Variants in HSPA13 observed in about 807,000 individuals in gnomAD.
HSPA13 encodes the protein heat shock 70 kDa protein 13.
Under a neutral mutation model 38.8 loss-of-function variants are expected in HSPA13, and 29 were observed. The ratio of observed to expected loss-of-function variants is 0.75; its 90% CI spans 0.56 to 1.02. HSPA13 has a LOEUF of 1.02. Among genes scored for constraint, HSPA13 ranks in the 50% least tolerant of loss-of-function variants. The pLI is 0.00. For missense variants in HSPA13, 451 were observed against 560.9 expected, an observed-to-expected ratio of 0.80 and a Z score of 1.98; for synonymous variants, 192 against 205.3, an observed-to-expected ratio of 0.94 and a Z score of 0.56.
At chr21:14,378,539 G>C in intron 2 of HSPA13, 127 bp from the exon 3 acceptor site, 1 of 629,508 alleles carries the variant, frequency 1.6e-6, no homozygotes, top group Non-Finnish European at 2.8e-6. Context: ...AAATGCATTT[G>C]AAATCTATCT....
chr21:14,376,355 G>C (rs1197430492), intron 3 of HSPA13, among the ~76,000 whole-genome samples: 1 of 152,164 alleles, frequency 6.6e-6, no homozygotes, highest in Non-Finnish European at 1.5e-5. Flanking sequence ...GGAGCTTGCA[G>C]TGAGCCGAGA....
At chr21:14,383,063 C>T (rs1984213782) in intron 1 of HSPA13, 32 bp downstream of exon 1, 2 of 1,613,720 alleles carry the variant, frequency 1.2e-6, no homozygotes, top group Non-Finnish European at 1.7e-6. Context: ...CCTCTACGCC[C>T]GCAAGAGCAA....
At chr21:14,379,674 A>G (rs562498589) in intron 2 of HSPA13, among the ~76,000 whole-genome samples, 3 of 152,344 alleles carry the variant, frequency 2.0e-5, no homozygotes, top group Non-Finnish European at 4.4e-5. Context: ...ATCCCAAAAA[A>G]GAAGTCAAAA....
chr21:14,378,456 A>G, intron 2 of HSPA13, 44 bp from the exon 3 acceptor site: 1 of 1,267,144 alleles, frequency 7.9e-7, no homozygotes, highest in Middle Eastern at 2.0e-4. Flanking sequence ...AAAAGAGTAA[A>G]AGCATACAGA....
chr21:14,378,380 A>T lies in HSPA13; in HGVS notation c.399T>A (p.Ser133=), dbSNP rs1397820577. The T allele has an allele frequency of 1.2e-6, 2 of 1,613,944 alleles. No homozygotes were observed. The highest frequency in any genetic ancestry group is 1.7e-6 in the Non-Finnish European group (2 of 1,179,920). The change falls in exon 3 of 5, where the codon TCT becomes TCA. Residue 133 remains serine, a synonymous_variant. Transcript: ENST00000285667. The part of the protein sequence containing the change: ...VLNKNGMVEF[S]VTSNETITVS... ...CTGTGATGGTCTCATTACTTGTCAC[A>T]GAAAACTCAACCATTCCATTTTTGT...
chr21:14,381,690 T>C, intron 1 of HSPA13, 147 bp from the exon 2 acceptor site: 1 of 555,388 alleles, frequency 1.8e-6, no homozygotes. Context: ...CTGATAGCAC[T>C]CCTCTCAGAC....
chr21:14,379,018 AATG>A (rs1342670633), intron 2 of HSPA13, among the ~76,000 whole-genome samples: 2 of 152,172 alleles, frequency 1.3e-5, no homozygotes, highest in Non-Finnish European at 2.9e-5. Context: ...AGAAAGAATA[AATG>A]ATGAAATGTA....
chr21:14,380,727 A>C (rs1267992689), intron 2 of HSPA13, among the ~76,000 whole-genome samples: 2 of 152,220 alleles, frequency 1.3e-5, no homozygotes, highest in African/African-American at 4.8e-5. Context: ...GAAAAACCAC[A>C]AAAAAGTACA....
Position 14,375,983 on chromosome 21 carries a change from T to C in HSPA13, c.581-164A>G, listed in dbSNP as rs187379277. ...AAGCATGAAATGGGAACAGTAAACA[T>C]AGGCTCTTCTAAATGCTATCTTTAA... On this transcript the variant is annotated intron_variant, in intron 3 of 4. Coordinates refer to ENST00000285667, the MANE Select transcript of HSPA13 (RefSeq NM_006948.5). 3.0e-3 allele frequency among the ~76,000 whole-genome samples: 461 copies of C among 152,318 alleles called. 3 individuals are homozygous for C. Among genetic ancestry groups the C allele is most frequent in the African/African-American group, 0.01 (425 of 41,586 alleles).
At position 14,373,844 on chromosome 21, in the gene HSPA13, T is replaced by C; in HGVS notation, c.1189A>G (p.Thr397Ala). 1 of 1,614,208 alleles carries C rather than the reference T, an allele frequency of 6.2e-7. No homozygotes were observed. The highest frequency in any genetic ancestry group is 1.1e-5 in the South Asian group (1 of 91,084). Reference protein sequence around the residue: ...QVLKEGHLEKTEIDEVVLVGG... With the variant: ...QVLKEGHLEKAEIDEVVLVGG... ...ACTAAAACCACCTCATCAATCTCAG[T>C]CTTTTCCAGGTGGCCTTCTTTCAAT... Residue 397 changes from threonine (T) to alanine (A), a missense_variant, in exon 5 of 5, where the codon ACT becomes GCT. Physicochemically the swap from Thr to Ala is moderately conservative, Grantham distance 58 (BLOSUM62 0). Coordinates refer to ENST00000285667, the MANE Select transcript of HSPA13 (RefSeq NM_006948.5).
At position 14,373,897 on chromosome 21, in the gene HSPA13, T is replaced by C; in HGVS notation, c.1136A>G (p.Gln379Arg). 2 of 1,614,246 alleles carry C rather than the reference T, an allele frequency of 1.2e-6. No homozygotes were observed. Among genetic ancestry groups the C allele is most frequent in the East Asian group, 2.2e-5 (1 of 44,890 alleles). Residue 379 changes from glutamine (Q) to arginine (R), a missense_variant, in exon 5 of 5, where the codon CAG becomes CGG. Physicochemically the swap from Gln to Arg is conservative, Grantham distance 43 (BLOSUM62 1). Coordinates refer to ENST00000285667, the MANE Select transcript of HSPA13 (RefSeq NM_006948.5). ...TTGCTGAATGGGTACCAGTATTTTC[T>C]GAAAGAGGTCTTCATTAAGGGTATC... ...LFDTLNEDLF[Q>R]KILVPIQQVL... is the part of the protein sequence containing the mutation.
At chr21:14,380,289 T>C (rs1415775334) in intron 2 of HSPA13, among the ~76,000 whole-genome samples, 2 of 129,008 alleles carry the variant, frequency 1.6e-5, no homozygotes, top group African/African-American at 5.8e-5. Flanking sequence ...AAAAAAAAGG[T>C]AAGGAAAAGA....
In HSPA13 at chr21:14,378,388, C is replaced by G; in HGVS notation, c.391G>C (p.Glu131Gln). ...GTCTCATTACTTGTCACAGAAAACT[C>G]AACCATTCCATTTTTGTTTAAAACC... The part of the protein sequence containing the change: ...FKVLNKNGMV[E>Q]FSVTSNETIT... The change falls in exon 3 of 5, where the codon GAG becomes CAG. Residue 131 changes from glutamate (E) to glutamine (Q), a missense_variant. Transcript: ENST00000285667. 1 of 1,613,762 alleles carries G rather than the reference C, an allele frequency of 6.2e-7. No homozygotes were observed. Among genetic ancestry groups the G allele is most frequent in the Non-Finnish European group, 8.5e-7 (1 of 1,179,714 alleles).
intron 1 of HSPA13, among the ~76,000 whole-genome samples, chr21:14,382,263 C>A (rs1279067262): frequency 6.6e-6 from 1 of 152,022 alleles, no homozygotes; most frequent in Non-Finnish European, 1.5e-5. Flanking sequence ...AGACAAGTTT[C>A]GTTCACTGTT....
At chr21:14,374,312 G>T in intron 4 of HSPA13, 28 bp from the exon 5 acceptor site, 1 of 1,541,954 alleles carries the variant, frequency 6.5e-7, no homozygotes, top group Non-Finnish European at 8.8e-7. Flanking sequence ...GTTTAATATA[G>T]TTATGCATAT....
chr21:14,379,537 A>C (rs1454964833), intron 2 of HSPA13, among the ~76,000 whole-genome samples: 1 of 152,210 alleles, frequency 6.6e-6, no homozygotes, highest in Non-Finnish European at 1.5e-5. Flanking sequence ...ACAACAACAA[A>C]AAAATCAGAT....
Position 14,373,540 on chromosome 21 carries a change from T to C in HSPA13, c.*77A>G. 2 of 1,277,812 alleles carry C rather than the reference T, an allele frequency of 1.6e-6. No individual in the cohort carries two copies. Among genetic ancestry groups the C allele is most frequent in the Non-Finnish European group, 2.1e-6 (2 of 933,630 alleles). The allele number at this position is 1,277,812 out of a possible 1,614,324, so 79.2% of individuals were successfully genotyped here. On this transcript the variant is annotated 3_prime_UTR_variant, in exon 5 of 5. Transcript: ENST00000285667. ...AATCTGTGATATTTTAGAGACTTTC[T>C]TTTGTGGAAAAGGTAATCTGATAAA... is the stretch of plus-strand genomic sequence containing the variant.
chr21:14,374,317 G>A (rs1243791013), intron 4 of HSPA13, 33 bp from the exon 5 acceptor site: 1 of 1,472,926 alleles, frequency 6.8e-7, no homozygotes, highest in South Asian at 1.2e-5. Context: ...ATATAGTTAT[G>A]CATATATGTG....
Position 14,372,806 on chromosome 21 carries a change from C to G in HSPA13, c.*811G>C, listed in dbSNP as rs1342146663. On this transcript the variant is annotated 3_prime_UTR_variant, in exon 5 of 5. Coordinates refer to ENST00000285667, the MANE Select transcript of HSPA13 (RefSeq NM_006948.5). ...GTCTCGGATAACAAAAATAAGATAG[C>G]AATCATGGCTTTATTATGACATTAA... 2 of 152,066 alleles carry G rather than the reference C, an allele frequency of 1.3e-5. No individual in the cohort carries two copies. The highest frequency in any genetic ancestry group is 2.9e-5 in the Non-Finnish European group (2 of 67,968). 9.4% of individuals were successfully genotyped at this position (152,066 alleles called of 1,614,324 possible). A position where few individuals can be genotyped will look rare whatever the true frequency, so the allele number is the denominator to read the frequency against.
Sources: allele counts gnomAD v4.1 joint callset (sites outside exome capture counted in the v4.1 genomes callset), GRCh38; gene constraint gnomAD v4.1.1; transcripts MANE v1.5; gene names NCBI Gene and HGNC (gene_info 2026-07-23, HGNC 2026-07-21).